The following ARMH3 variants were observed in gnomAD, a reference collection of about 807,000 sequenced individuals.
ARMH3 encodes armadillo-like helical domain-containing protein 3.
Under a neutral mutation model 99.1 loss-of-function variants are expected in ARMH3, and 60 were observed. The observed-to-expected ratio is 0.61, with a 90% CI of 0.49 to 0.75. The LOEUF is 0.75. Ranked by LOEUF, ARMH3 falls within the 30% of genes least tolerant of loss-of-function variation. ARMH3 has a pLI of 0.00. For missense variants in ARMH3, 679 were observed against 843.1 expected (o/e 0.81, Z 2.41); for synonymous variants, 285 against 292.8 (o/e 0.97, Z 0.27).
chr10:102,050,087 G>A (rs887716985), intron 1 of ARMH3, among the ~76,000 whole-genome samples: 13 of 151,600 alleles, frequency 8.6e-5, no homozygotes, highest in African/African-American at 2.7e-4. Flanking sequence ...TGGTTGCAAC[G>A]AGCTGAGATC....
At chr10:101,946,678 A>G in intron 22 of ARMH3, among the ~76,000 whole-genome samples, 1 of 152,172 alleles carries the variant, frequency 6.6e-6, no homozygotes, top group East Asian at 1.9e-4. Context: ...ACAATATGGA[A>G]AAGTCTAATC....
intron 1 of ARMH3, among the ~76,000 whole-genome samples, chr10:102,051,271 G>C (rs910446684): frequency 3.3e-5 from 5 of 151,510 alleles, no homozygotes; most frequent in African/African-American, 1.2e-4. Context: ...TCAAGAGTTC[G>C]AGACCAGCCT....
chr10:101,861,580 A>T (rs986315115), intron 24 of ARMH3, among the ~76,000 whole-genome samples: 8 of 151,838 alleles, frequency 5.3e-5, no homozygotes, highest in Admixed American at 1.3e-4. Context: ...AAATACAAAA[A>T]TTAGCTGGGC....
At chr10:101,899,357 A>G (rs1470668540) in intron 23 of ARMH3, among the ~76,000 whole-genome samples, 2 of 152,230 alleles carry the variant, frequency 1.3e-5, no homozygotes, top group African/African-American at 4.8e-5. Flanking sequence ...CTTCAGGCAT[A>G]CAGGTAAAAT....
intron 23 of ARMH3, among the ~76,000 whole-genome samples, chr10:101,930,184 C>T (rs186384997): frequency 1.1e-3 from 160 of 151,998 alleles, no homozygotes; most frequent in Admixed American, 2.6e-3. Context: ...TAATGTAGTA[C>T]GTTTTATCAA....
At chr10:101,975,166 A>G (rs767687537) in intron 20 of ARMH3, 46 bp downstream of exon 20, 12 of 1,542,992 alleles carry the variant, frequency 7.8e-6, no homozygotes, top group Non-Finnish European at 1.1e-5. Context: ...CTAGGGGCTC[A>G]AAAAAGGTAT....
intron 1 of ARMH3, among the ~76,000 whole-genome samples, chr10:102,052,385 G>A (rs915828493): frequency 2.4e-4 from 36 of 151,972 alleles, no homozygotes; most frequent in Admixed American, 1.3e-3. Context: ...TGCCACACCC[G>A]GCTCATTTTT....
intron 22 of ARMH3, among the ~76,000 whole-genome samples, chr10:101,954,676 C>T (rs115109954): frequency 2.3e-4 from 35 of 152,156 alleles, no homozygotes; most frequent in African/African-American, 7.7e-4. Flanking sequence ...ATGTAAATTA[C>T]GGCAAAATTT....
At chr10:102,046,515 G>A (rs2067556393) in intron 1 of ARMH3, among the ~76,000 whole-genome samples, 1 of 152,098 alleles carries the variant, frequency 6.6e-6, no homozygotes, top group South Asian at 2.1e-4. Flanking sequence ...AGCCGGGCAT[G>A]GTAGCACATG....
At chr10:101,919,484 T>G (rs1005844170) in intron 23 of ARMH3, among the ~76,000 whole-genome samples, 1 of 152,202 alleles carries the variant, frequency 6.6e-6, no homozygotes, top group Admixed American at 6.5e-5. Flanking sequence ...TTTCCCTTAA[T>G]AGTCCCATCT....
chr10:101,944,628 A>C (rs1428820438), intron 22 of ARMH3, among the ~76,000 whole-genome samples: 1 of 152,154 alleles, frequency 6.6e-6, no homozygotes, highest in East Asian at 1.9e-4. Flanking sequence ...AGCCTGGCCA[A>C]CATGGCGAAA....
intron 15 of ARMH3, among the ~76,000 whole-genome samples, chr10:101,997,751 T>G (rs1385487229): frequency 5.9e-5 from 9 of 152,170 alleles, no homozygotes; most frequent in Non-Finnish European, 1.2e-4. Flanking sequence ...CTATTTATTA[T>G]AGTTATTATA....
chr10:101,977,822 G>A (rs1846075135), intron 19 of ARMH3, among the ~76,000 whole-genome samples: 1 of 152,178 alleles, frequency 6.6e-6, no homozygotes, highest in African/African-American at 2.4e-5. Flanking sequence ...GCACCACCTT[G>A]GGACTCTACA....
chr10:102,000,818 TTTG>T (rs2066341284), intron 15 of ARMH3, among the ~76,000 whole-genome samples: 1 of 151,622 alleles, frequency 6.6e-6, no homozygotes, highest in Non-Finnish European at 1.5e-5. Flanking sequence ...TGATGATAGT[TTTG>T]TTGTTTTTTT....
intron 20 of ARMH3, among the ~76,000 whole-genome samples, chr10:101,973,333 C>T (rs1845851655): frequency 1.5e-5 from 2 of 136,748 alleles, no homozygotes; most frequent in African/African-American, 2.8e-5. Flanking sequence ...CTGCTCCAGG[C>T]TGGGCGACAG....
At chr10:101,997,639 G>A (rs1313552163) in intron 15 of ARMH3, among the ~76,000 whole-genome samples, 1 of 152,038 alleles carries the variant, frequency 6.6e-6, no homozygotes, top group Non-Finnish European at 1.5e-5. Flanking sequence ...AAGTGATTGG[G>A]GAGGGACACA....
intron 1 of ARMH3, among the ~76,000 whole-genome samples, chr10:102,040,477 T>C (rs988422929): frequency 2.6e-5 from 4 of 152,198 alleles, no homozygotes; most frequent in Non-Finnish European, 4.4e-5. Context: ...GCCAGAATGC[T>C]CTCCAAGGTG....
chr10:101,966,097 CTTTTCTTTTTTT>C (rs1486063299), intron 20 of ARMH3, among the ~76,000 whole-genome samples: 1 of 143,966 alleles, frequency 6.9e-6, no homozygotes, highest in African/African-American at 2.5e-5. Context: ...TTTTCTTTTT[CTTTTCTTTTTTT>C]TTTTTTTTTT....
intron 23 of ARMH3, among the ~76,000 whole-genome samples, chr10:101,903,893 G>A (rs986481857): frequency 6.6e-6 from 1 of 152,220 alleles, no homozygotes; most frequent in African/African-American, 2.4e-5. Context: ...TGCTCATGGA[G>A]ACAGGCCAGG....
Sources: gnomAD v4.1 joint callset for allele counts (sites outside exome capture counted in the v4.1 genomes callset) on GRCh38, gnomAD v4.1.1 for gene constraint, MANE v1.5 for transcripts, NCBI Gene and HGNC (gene_info 2026-07-23, HGNC 2026-07-21) for gene names.